The following NHSL2 variants were observed in gnomAD, a reference collection of about 807,000 sequenced individuals.
The protein encoded by NHSL2 is NHS-like protein 2.
A neutral mutation model predicts 53.4 loss-of-function variants in NHSL2; 27 were observed. The ratio of observed to expected loss-of-function variants is 0.51; its 90% CI spans 0.37 to 0.70. The LOEUF (loss-of-function observed/expected upper bound fraction) is 0.70, where lower values mean the gene tolerates loss of function less well. Among genes scored for constraint, NHSL2 ranks in the 30% least tolerant of loss-of-function variants. The pLI, the probability that NHSL2 is intolerant of heterozygous loss-of-function variation, is 0.00. For synonymous variants in NHSL2, 408 were observed against 404.1 expected, an observed-to-expected ratio of 1.01 and a Z score of -0.12; for missense variants, 892 against 980.1, an observed-to-expected ratio of 0.91 and a Z score of 1.20.
At chrX:71,929,901 T>C (rs2041704569) in intron 1 of NHSL2, among the ~76,000 whole-genome samples, 1 of 110,587 alleles carries the variant, frequency 9.0e-6, no homozygotes, top group South Asian at 4.0e-4. Context: ...ACTACAGGTG[T>C]GTGCCACCAC....
chrX:71,998,637 T>C (rs2042059836), intron 1 of NHSL2, among the ~76,000 whole-genome samples: 2 of 111,848 alleles, frequency 1.8e-5, no homozygotes, highest in South Asian at 7.5e-4. Flanking sequence ...ATAGGAAGGT[T>C]CTGGCATTAG....
At chrX:72,021,601 G>A (rs756158539) in intron 1 of NHSL2, among the ~76,000 whole-genome samples, 149 of 111,658 alleles carry the variant, frequency 1.3e-3, no homozygotes, top group Middle Eastern at 9.2e-3. Flanking sequence ...ATTGAGATAC[G>A]AATCCACATC....
chrX:71,968,080 T>C (rs2041909019), intron 1 of NHSL2, among the ~76,000 whole-genome samples: 1 of 108,486 alleles, frequency 9.2e-6, no homozygotes, highest in Non-Finnish European at 1.9e-5. Flanking sequence ...CATTGTAACC[T>C]CATATTCTTG....
At chrX:72,044,589 C>T (rs188892715) in intron 1 of NHSL2, 223 of 1,068,427 alleles carry the variant, frequency 2.1e-4, no homozygotes, top group Admixed American at 5.3e-4. Flanking sequence ...AAAAGGGCCG[C>T]GGCCACGTGC....
intron 1 of NHSL2, chrX:72,129,780 C>T (rs866582682): frequency 1.4e-5 from 16 of 1,107,644 alleles, no homozygotes; most frequent in Middle Eastern, 2.7e-4. Flanking sequence ...ATAGCAGGGG[C>T]GGGGGATGCA....
At chrX:72,084,895 C>G (rs2041823147) in intron 1 of NHSL2, among the ~76,000 whole-genome samples, 1 of 111,573 alleles carries the variant, frequency 9.0e-6, no homozygotes, top group Admixed American at 9.5e-5. Flanking sequence ...GGCTTACAGG[C>G]AAGGAGGTTA....
chrX:72,126,029 A>G (rs1367844366), intron 1 of NHSL2, among the ~76,000 whole-genome samples: 1 of 111,977 alleles, frequency 8.9e-6, no homozygotes, highest in African/African-American at 3.3e-5. Flanking sequence ...ATATGACCTA[A>G]TATCTCTGAG....
intron 1 of NHSL2, among the ~76,000 whole-genome samples, chrX:71,965,558 T>C (rs964888395): frequency 2.7e-5 from 3 of 112,167 alleles, no homozygotes; most frequent in Non-Finnish European, 3.8e-5. Flanking sequence ...CCTTCAACTC[T>C]TCTTCTCCTT....
chrX:72,138,943 G>A lies in NHSL2; in HGVS notation c.1395G>A (p.Arg465=), dbSNP rs1337355240. 1 of 1,206,281 alleles carries A rather than the reference G, an allele frequency of 8.3e-7. No individual in the cohort carries two copies. Among genetic ancestry groups the A allele is most frequent in the Admixed American group, 2.2e-5 (1 of 45,534 alleles). Residue 465 remains arginine, a synonymous_variant, in exon 6 of 8, where the codon AGG becomes AGA. Transcript: ENST00000633930. ...AGYPERLIQQ[R]HMPERPSKIG... ...ACCCTGAGCGCCTTATTCAGCAAAG[G>A]CACATGCCCGAAAGACCCTCCAAGA...
chrX:72,085,194 C>T (rs917155145), intron 1 of NHSL2, among the ~76,000 whole-genome samples: 1 of 111,588 alleles, frequency 9.0e-6, no homozygotes, highest in African/African-American at 3.3e-5. Flanking sequence ...CTGGGATGAC[C>T]CCCAGCACAG....
At chrX:71,956,079 T>C (rs1354575996) in intron 1 of NHSL2, among the ~76,000 whole-genome samples, 2 of 111,595 alleles carry the variant, frequency 1.8e-5, no homozygotes, top group Non-Finnish European at 3.8e-5. Flanking sequence ...ACTGCTGATT[T>C]TGAACAACAA....
chrX:72,041,541 A>G (rs1461648110), intron 1 of NHSL2, among the ~76,000 whole-genome samples: 1 of 112,380 alleles, frequency 8.9e-6, no homozygotes, highest in African/African-American at 3.2e-5. Flanking sequence ...CTACACCATC[A>G]AAACATGTCT....
chrX:71,986,332 C>T (rs775432009), intron 1 of NHSL2, among the ~76,000 whole-genome samples: 6 of 111,424 alleles, frequency 5.4e-5, no homozygotes, highest in East Asian at 2.8e-4. Flanking sequence ...CCCAGGTCAC[C>T]GTAAGTCACT....
chrX:72,103,432 C>T (rs1225755420), intron 1 of NHSL2, among the ~76,000 whole-genome samples: 1 of 112,042 alleles, frequency 8.9e-6, no homozygotes, highest in Non-Finnish European at 1.9e-5. Flanking sequence ...TGTTTCTCAC[C>T]GAGGGCATCA....
At chrX:72,026,790 A>G (rs934899873) in intron 1 of NHSL2, among the ~76,000 whole-genome samples, 2 of 112,093 alleles carry the variant, frequency 1.8e-5, no homozygotes, top group East Asian at 5.6e-4. Context: ...ATGACTCCCC[A>G]TCTACCCACT....
In NHSL2 at chrX:72,138,825, C is replaced by T. The variant is rs1285655692; in HGVS notation, c.1277C>T (p.Ser426Phe). The change falls in exon 6 of 8, where the codon TCT becomes TTT. Residue 426 changes from serine (S) to phenylalanine (F), a missense_variant. Physicochemically the swap from Ser to Phe is radical, Grantham distance 155. Transcript: ENST00000633930. The part of the protein sequence containing the change: ...KNPSCGNSWV[S>F]LNKVPPLVPK... ...CCTTCCTGTGGGAATTCTTGGGTCT[C>T]TCTAAACAAAGTCCCACCTCTGGTT... 3 of 1,209,409 alleles carry T rather than the reference C, an allele frequency of 2.5e-6. No individual in the cohort carries two copies. Among genetic ancestry groups the T allele is most frequent in the East Asian group, 5.9e-5 (2 of 33,773 alleles).
chrX:72,025,921 A>G (rs923736579), intron 1 of NHSL2, among the ~76,000 whole-genome samples: 1 of 112,130 alleles, frequency 8.9e-6, no homozygotes, highest in African/African-American at 3.2e-5. Context: ...CAGTTTCCTC[A>G]ATGTAAAATG....
At chrX:71,917,015 C>T (rs1230055565) in intron 1 of NHSL2, among the ~76,000 whole-genome samples, 2 of 111,819 alleles carry the variant, frequency 1.8e-5, no homozygotes, top group East Asian at 2.8e-4. Context: ...TGTGGAACTC[C>T]ACAATTTCAC....
chrX:72,116,947 A>G (rs181406167), intron 1 of NHSL2, among the ~76,000 whole-genome samples: 42 of 111,958 alleles, frequency 3.8e-4, no homozygotes, highest in African/African-American at 1.3e-3. Flanking sequence ...AAGGATAAGT[A>G]CAACTAGTCA....
Sources: allele counts gnomAD v4.1 joint callset (sites outside exome capture counted in the v4.1 genomes callset), GRCh38; gene constraint gnomAD v4.1.1; transcripts MANE v1.5; gene names NCBI Gene and HGNC (gene_info 2026-07-23, HGNC 2026-07-21).